ATL2: variants seen among roughly 807,000 people sequenced by gnomAD.
ATL2 encodes the protein atlastin GTPase 2, also known as atlastin-2.
ATL2 carries 31 observed loss-of-function variants against 73.9 expected under a neutral mutation model. The observed-to-expected ratio is 0.42, with a 90% confidence interval of 0.32 to 0.57. The LOEUF is 0.57. ATL2 is among the 20% of genes least tolerant of loss of function. ATL2 has a pLI of 0.14. For missense variants in ATL2, 738 were observed against 702.6 expected (o/e 1.05, Z -0.57); for synonymous variants, 291 against 237.5 (o/e 1.23, Z -2.07).
At chr2:38,329,551 T>C (rs1057461798) in intron 2 of ATL2, among the ~76,000 whole-genome samples, 1 of 151,026 alleles carries the variant, frequency 6.6e-6, no homozygotes, top group Non-Finnish European at 1.5e-5. Context: ...AGCAGTTCTC[T>C]ACAAATTCTT....
At chr2:38,332,072 A>G (rs1669028605) in intron 2 of ATL2, among the ~76,000 whole-genome samples, 1 of 152,170 alleles carries the variant, frequency 6.6e-6, no homozygotes, top group African/African-American at 2.4e-5. Flanking sequence ...AAAAGACCAC[A>G]TTTTTTAAGA....
At chr2:38,339,143 G>A (rs188013174) in intron 2 of ATL2, among the ~76,000 whole-genome samples, 106 of 152,252 alleles carry the variant, frequency 7.0e-4, no homozygotes, top group African/African-American at 2.5e-3. Context: ...TTGAACTCAG[G>A]AGGCGGAGGT....
At chr2:38,304,639 T>TA (rs1317808886) in intron 9 of ATL2, among the ~76,000 whole-genome samples, 2 of 152,120 alleles carry the variant, frequency 1.3e-5, no homozygotes, top group African/African-American at 2.4e-5. Flanking sequence ...ACGAAAAGTT[T>TA]AAAAAGTGGG....
chr2:38,296,445 TG>T lies in ATL2; in HGVS notation c.1633-333del, dbSNP rs773641783. ...GCTTATTGTCCTACATGTGTAAGTG[TG>T]AACACTTCAGATAGAGAAAAAGGTT... On this transcript the variant is annotated intron_variant, in intron 12 of 12. Transcript: ENST00000378954. 2.6e-6 allele frequency: 4 copies of T among 1,568,448 alleles called. No homozygotes were observed. The African/African-American group carries it at 5.4e-5, about 21-fold the overall frequency.
rs201474467 is a variant in ATL2, at chr2:38,315,848, T to G, written c.604-514A>C. The stretch of plus-strand genomic sequence containing the variant: ...TTTTTACTCACACTCCTCAGTTTAC[T>G]TACTCATCAGTTTTCACTTACACTC... On this transcript the variant is annotated intron_variant, in intron 4 of 12. Coordinates refer to ENST00000378954, the MANE Select transcript of ATL2 (RefSeq NM_001135673.4). Among the ~76,000 whole-genome samples the G allele has an allele frequency of 5.9e-5, 9 of 152,320 alleles. No individual in the cohort carries two copies. The East Asian group carries it at 1.5e-3, about 26-fold the overall frequency.
intron 1 of ATL2, among the ~76,000 whole-genome samples, chr2:38,369,494 G>C (rs572208989): frequency 5.2e-4 from 78 of 151,376 alleles, no homozygotes; most frequent in African/African-American, 1.9e-3. Context: ...CACTATGTTG[G>C]TCAGGCTGGT....
At chr2:38,296,747 G>C in intron 12 of ATL2, 3 of 1,551,230 alleles carry the variant, frequency 1.9e-6, no homozygotes, top group Non-Finnish European at 2.6e-6. Context: ...GACAAGGTTT[G>C]TTGACACAGC....
intron 12 of ATL2, 119 bp downstream of exon 12, chr2:38,298,025 G>A (rs531811838): frequency 1.1e-6 from 1 of 913,734 alleles, no homozygotes; most frequent in South Asian, 1.8e-5. Context: ...GAACAAAACA[G>A]AAGACATCCT....
In ATL2 at chr2:38,377,180, G is replaced by T. The variant is rs761879186; in HGVS notation, c.81C>A (p.Ser27Arg). 1.9e-6 allele frequency: 3 copies of T among 1,610,752 alleles called. No homozygotes were observed. The South Asian group carries it at 3.3e-5, about 18-fold the overall frequency. ...LWRRRRTSDP[S>R]AAVNHVSSTT... ...TGGACGAGACGTGGTTAACCGCGGC[G>T]CTTGGGTCGCTGGTCCGTCGCCGGC... The change falls in exon 1 of 13, where the codon AGC (serine) becomes AGA (arginine). Residue 27 changes from serine (S) to arginine (R), a missense_variant. Transcript: ENST00000378954.
intron 1 of ATL2, among the ~76,000 whole-genome samples, chr2:38,345,946 A>G (rs1183148535): frequency 6.6e-6 from 1 of 152,228 alleles, no homozygotes; most frequent in East Asian, 1.9e-4. Flanking sequence ...CTACGCAGTA[A>G]GCACCATAGG....
chr2:38,308,005 A>C (rs1241113627), intron 9 of ATL2, among the ~76,000 whole-genome samples: 1 of 152,174 alleles, frequency 6.6e-6, no homozygotes, highest in East Asian at 1.9e-4. Context: ...CACTGTTGGC[A>C]GAAAGGTAAA....
At chr2:38,304,716 A>C (rs1393181006) in intron 9 of ATL2, among the ~76,000 whole-genome samples, 1 of 152,196 alleles carries the variant, frequency 6.6e-6, no homozygotes, top group Non-Finnish European at 1.5e-5. Context: ...TTGTTTAGGC[A>C]ATCAGTGTTA....
At chr2:38,359,155 T>C (rs1670860729) in intron 1 of ATL2, among the ~76,000 whole-genome samples, 1 of 152,148 alleles carries the variant, frequency 6.6e-6, no homozygotes, top group Non-Finnish European at 1.5e-5. Flanking sequence ...CAAAAGACCA[T>C]CCTAAAATAG....
At chr2:38,325,201 A>G (rs1668529331) in intron 2 of ATL2, among the ~76,000 whole-genome samples, 2 of 152,188 alleles carry the variant, frequency 1.3e-5, no homozygotes, top group African/African-American at 4.8e-5. Flanking sequence ...AAGTCATCAG[A>G]CCTATCTTTA....
chr2:38,298,201 C>T lies in ATL2; in HGVS notation c.1575G>A (p.Gly525=), dbSNP rs372523153. Reference sequence around the variant, plus strand: ...TCACTGTTCCAATTTCTCTGAACTCCCCAGAGTATTTAACATATGCCCAAG... The same window carrying T: ...TCACTGTTCCAATTTCTCTGAACTCTCCAGAGTATTTAACATATGCCCAAG... ...LCTWAYVKYS[G]EFREIGTVID... is the part of the protein sequence containing the mutation. The change falls in exon 12 of 13, where the codon GGG becomes GGA. Residue 525 remains glycine (G), a synonymous_variant. Transcript: ENST00000378954. 12 of 1,613,900 alleles carry T rather than the reference C, an allele frequency of 7.4e-6. 1 individual carries two copies. The African/African-American group carries it at 1.2e-4, about 16-fold the overall frequency.
chr2:38,307,531 C>T (rs1573442021), intron 9 of ATL2, among the ~76,000 whole-genome samples: 1 of 151,898 alleles, frequency 6.6e-6, no homozygotes, highest in Non-Finnish European at 1.5e-5. Context: ...ATTGGGGAAA[C>T]CTTCCAGGAA....
chr2:38,372,171 G>C lies in ATL2; in HGVS notation c.118+4972C>G, dbSNP rs61021990. ...TCCTGTGCATAACAGACCCAAGTTA[G>C]ATTTTGCAGATTTACTGTTTGAAAA... On this transcript the variant is annotated intron_variant, in intron 1 of 12. Transcript: ENST00000378954. Among the ~76,000 whole-genome samples, 1,004 of 135,804 alleles carry C rather than the reference G, an allele frequency of 7.4e-3. 10 individuals carry two copies. The highest frequency in any genetic ancestry group is 0.058 in the East Asian group (279 of 4,784). 89.1% of individuals were successfully genotyped at this position (135,804 alleles called of 152,430 possible). A position where few individuals can be genotyped will look rare whatever the true frequency, so the allele number is the denominator to read the frequency against.
chr2:38,356,903 C>G (rs1670701521), intron 1 of ATL2, among the ~76,000 whole-genome samples: 1 of 152,154 alleles, frequency 6.6e-6, no homozygotes, highest in African/African-American at 2.4e-5. Context: ...CCTAAAGTCC[C>G]TTTAATTCTA....
intron 1 of ATL2, among the ~76,000 whole-genome samples, chr2:38,356,351 AT>A (rs1477245709): frequency 1.3e-5 from 2 of 150,764 alleles, no homozygotes; most frequent in East Asian, 2.0e-4. Context: ...GAGCCAGCTA[AT>A]TTTTTTTTAA....
Sources: gnomAD v4.1 joint callset for allele counts (sites outside exome capture counted in the v4.1 genomes callset) on GRCh38, gnomAD v4.1.1 for gene constraint, MANE v1.5 for transcripts, NCBI Gene and HGNC (gene_info 2026-07-23, HGNC 2026-07-21) for gene names.